The following TBC1D22A variants were observed in gnomAD, a reference collection of about 807,000 sequenced individuals.
The protein encoded by TBC1D22A is putative GTPase activator.
A neutral mutation model predicts 60.2 loss-of-function variants in TBC1D22A; 38 were observed. That is an observed-to-expected ratio of 0.63 (90% CI 0.49 to 0.83). The LOEUF (loss-of-function observed/expected upper bound fraction) is 0.83, where lower values mean the gene tolerates loss of function less well. TBC1D22A is among the 40% of genes least tolerant of loss of function. The pLI, the probability that TBC1D22A is intolerant of heterozygous loss-of-function variation, is 0.00. For synonymous variants in TBC1D22A, 302 were observed against 281.7 expected, an observed-to-expected ratio of 1.07 and a Z score of -0.72; for missense variants, 628 against 701.0, an observed-to-expected ratio of 0.90 and a Z score of 1.18.
intron 12 of TBC1D22A, among the ~76,000 whole-genome samples, chr22:47,118,569 T>A (rs768479684): frequency 6.6e-6 from 1 of 151,862 alleles, no homozygotes; most frequent in Admixed American, 6.6e-5. Flanking sequence ...AACCAAGAAG[T>A]TAAAAATAGA....
At chr22:46,873,547 G>GGATGT (rs1424704366) in intron 4 of TBC1D22A, among the ~76,000 whole-genome samples, 1 of 152,106 alleles carries the variant, frequency 6.6e-6, no homozygotes, top group African/African-American at 2.4e-5. Flanking sequence ...TACATGTGCA[G>GGATGT]GATGTGCAGG....
chr22:46,937,770 A>G (rs1030562023), intron 8 of TBC1D22A, among the ~76,000 whole-genome samples: 1 of 152,156 alleles, frequency 6.6e-6, no homozygotes, highest in Non-Finnish European at 1.5e-5. Flanking sequence ...ATCCTGTGAT[A>G]TGAATGATCC....
intron 10 of TBC1D22A, among the ~76,000 whole-genome samples, chr22:47,005,219 A>G (rs1418491652): frequency 6.6e-6 from 1 of 151,428 alleles, no homozygotes; most frequent in Non-Finnish European, 1.5e-5. Context: ...CCCCTCATAT[A>G]TACACACATG....
chr22:46,864,297 C>T (rs1569147178), intron 4 of TBC1D22A, among the ~76,000 whole-genome samples: 2 of 152,238 alleles, frequency 1.3e-5, no homozygotes, highest in Non-Finnish European at 2.9e-5. Flanking sequence ...GTGGCTCTCT[C>T]ATGGTCCTGT....
intron 12 of TBC1D22A, among the ~76,000 whole-genome samples, chr22:47,149,207 A>T (rs1206954153): frequency 6.6e-6 from 1 of 152,094 alleles, no homozygotes; most frequent in Non-Finnish European, 1.5e-5. Context: ...TGTGTCCGTG[A>T]CATGTCGTGG....
intron 11 of TBC1D22A, among the ~76,000 whole-genome samples, chr22:47,110,486 A>G (rs2147717474): frequency 6.6e-6 from 1 of 152,276 alleles, no homozygotes; most frequent in African/African-American, 2.4e-5. Flanking sequence ...CTCAATAAAG[A>G]AAATAATAAT....
chr22:47,155,793 C>T lies in TBC1D22A; in HGVS notation c.1426-17705C>T, dbSNP rs554068790. 8.9e-4 allele frequency among the ~76,000 whole-genome samples: 136 copies of T among 152,340 alleles called. No individual in the cohort carries two copies. In the Middle Eastern group the frequency reaches 0.014, roughly 15 times the overall value. The stretch of plus-strand genomic sequence containing the variant: ...CCTCAGGGGCGGTGGTGCGGACGGG[C>T]GCAGCCTGACCTTTCTGTGCGGAGC... On this transcript the variant is annotated intron_variant, in intron 12 of 12. Transcript: ENST00000337137.
chr22:46,770,954 C>T (rs917357008), intron 1 of TBC1D22A, among the ~76,000 whole-genome samples: 12 of 152,100 alleles, frequency 7.9e-5, no homozygotes, highest in African/African-American at 2.7e-4. Context: ...TGACGGGGGC[C>T]GCGGAAGAGC....
At chr22:46,781,493 C>A (rs1332411241) in intron 1 of TBC1D22A, among the ~76,000 whole-genome samples, 1 of 152,134 alleles carries the variant, frequency 6.6e-6, no homozygotes, top group African/African-American at 2.4e-5. Context: ...TCGTGTTAGA[C>A]CTTAGTTTAC....
chr22:47,108,688 ATGTTT>A (rs1417639195), intron 11 of TBC1D22A, among the ~76,000 whole-genome samples: 1 of 152,104 alleles, frequency 6.6e-6, no homozygotes, highest in African/African-American at 2.4e-5. Context: ...ATATGTAAAC[ATGTTT>A]TGTTTTGTTT....
intron 12 of TBC1D22A, among the ~76,000 whole-genome samples, chr22:47,159,975 G>T (rs1217453712): frequency 2.8e-5 from 4 of 140,464 alleles, no homozygotes; most frequent in Non-Finnish European, 4.6e-5. Flanking sequence ...AAACCATACA[G>T]GTGACTCACA....
At chr22:47,136,949 G>A (rs2066896436) in intron 12 of TBC1D22A, among the ~76,000 whole-genome samples, 2 of 152,176 alleles carry the variant, frequency 1.3e-5, no homozygotes, top group South Asian at 4.1e-4. Flanking sequence ...CCGGGGCTGT[G>A]GGTGTCGCCA....
intron 12 of TBC1D22A, among the ~76,000 whole-genome samples, chr22:47,112,513 C>G (rs1264795271): frequency 6.6e-6 from 1 of 152,200 alleles, no homozygotes; most frequent in Non-Finnish European, 1.5e-5. Flanking sequence ...TTGGCAGAGG[C>G]TCCAAGCATC....
At chr22:47,152,555 C>A (rs2147177890) in intron 12 of TBC1D22A, among the ~76,000 whole-genome samples, 1 of 152,370 alleles carries the variant, frequency 6.6e-6, no homozygotes, top group Admixed American at 6.5e-5. Flanking sequence ...CGTAGCTGGT[C>A]CTGACGAGGC....
chr22:46,999,894 A>G lies in TBC1D22A; in HGVS notation c.1201+2185A>G, dbSNP rs530879112. 8.0e-3 allele frequency among the ~76,000 whole-genome samples: 1,212 copies of G among 152,102 alleles called. 8 individuals carry two copies. Among genetic ancestry groups the G allele is most frequent in the African/African-American group, 0.022 (907 of 41,506 alleles). ...CAAAATATTAGCCGGGCGTGGTGGC[A>G]GGCGCCTGGAGTCCCAGCTGCTTGG... On this transcript the variant is annotated intron_variant, in intron 10 of 12. Coordinates refer to ENST00000337137, the MANE Select transcript of TBC1D22A (RefSeq NM_014346.5).
intron 4 of TBC1D22A, among the ~76,000 whole-genome samples, chr22:46,871,096 C>A (rs2067273935): frequency 6.6e-6 from 1 of 152,128 alleles, no homozygotes; most frequent in East Asian, 1.9e-4. Flanking sequence ...GAAAAGTAGA[C>A]CTCAAGACAA....
chr22:47,136,227 C>T (rs912801054), intron 12 of TBC1D22A, among the ~76,000 whole-genome samples: 1 of 152,232 alleles, frequency 6.6e-6, no homozygotes, highest in East Asian at 1.9e-4. Context: ...GCCCATCTGC[C>T]TTCTTCAGCC....
intron 10 of TBC1D22A, among the ~76,000 whole-genome samples, chr22:47,012,538 C>T (rs2061783254): frequency 6.6e-6 from 1 of 152,168 alleles, no homozygotes; most frequent in African/African-American, 2.4e-5. Flanking sequence ...TCACTGGGGT[C>T]CTTCATGGCC....
intron 10 of TBC1D22A, among the ~76,000 whole-genome samples, chr22:47,002,606 A>G (rs931783377): frequency 6.6e-6 from 1 of 152,264 alleles, no homozygotes; most frequent in African/African-American, 2.4e-5. Flanking sequence ...TTTCAGATTT[A>G]AGAGTAGATC....
Sources: gnomAD v4.1 joint callset for allele counts (sites outside exome capture counted in the v4.1 genomes callset) on GRCh38, gnomAD v4.1.1 for gene constraint, MANE v1.5 for transcripts, NCBI Gene and HGNC (gene_info 2026-07-23, HGNC 2026-07-21) for gene names.